Variants in GPR107 observed in about 807,000 individuals in gnomAD.
GPR107 encodes G protein-coupled receptor 107.
Under a neutral mutation model 75.5 loss-of-function variants are expected in GPR107, and 31 were observed. That is an observed-to-expected ratio of 0.41 (90% CI 0.31 to 0.55). The LOEUF (loss-of-function observed/expected upper bound fraction) is 0.55, where lower values mean the gene tolerates loss of function less well. Among genes scored for constraint, GPR107 ranks in the 20% least tolerant of loss-of-function variants. The probability of loss-of-function intolerance (pLI) is 0.26; values close to 1 mark genes in which losing one functional copy is unlikely to be tolerated. For synonymous variants in GPR107, 267 were observed against 251.3 expected, an observed-to-expected ratio of 1.06 and a Z score of -0.59; for missense variants, 572 against 665.7, an observed-to-expected ratio of 0.86 and a Z score of 1.55.
chr9:130,090,709 A>G (rs866913743), intron 7 of GPR107, among the ~76,000 whole-genome samples, 167 bp from the exon 8 acceptor site: 2 of 152,248 alleles, frequency 1.3e-5, no homozygotes, highest in South Asian at 2.1e-4. Flanking sequence ...GTCTGTCTTT[A>G]TTTCCTTCAA....
chr9:130,059,638 T>G (rs567696824), intron 1 of GPR107, among the ~76,000 whole-genome samples: 1 of 152,200 alleles, frequency 6.6e-6, no homozygotes, highest in Non-Finnish European at 1.5e-5. Context: ...ATATGTCAGA[T>G]CAGATTCAAA....
intron 17 of GPR107, among the ~76,000 whole-genome samples, chr9:130,132,829 T>TTATATA (rs35291670): frequency 0.051 from 7,504 of 147,658 alleles, 576 homozygotes; most frequent in African/African-American, 0.17. Flanking sequence ...TTTTATATAT[T>TTATATA]TATATATATA....
intron 1 of GPR107, among the ~76,000 whole-genome samples, chr9:130,063,437 G>A (rs1314703267): frequency 1.3e-5 from 2 of 152,168 alleles, no homozygotes; most frequent in African/African-American, 2.4e-5. Flanking sequence ...TGATCTGCCC[G>A]CCTTGGCCTC....
chr9:130,114,499 T>C, intron 14 of GPR107: 1 of 360,878 alleles, frequency 2.8e-6, no homozygotes, highest in South Asian at 2.1e-5. Context: ...CGTCTCATCT[T>C]AGTCTCCCAA....
chr9:130,057,474 T>A (rs1490321308), intron 1 of GPR107, among the ~76,000 whole-genome samples: 5 of 143,996 alleles, frequency 3.5e-5, no homozygotes, highest in Admixed American at 2.9e-4. Flanking sequence ...GGCTCCAGCC[T>A]GGGGGACAGA....
intron 9 of GPR107, among the ~76,000 whole-genome samples, chr9:130,098,892 C>A (rs1054826920): frequency 6.6e-6 from 1 of 152,028 alleles, no homozygotes; most frequent in Non-Finnish European, 1.5e-5. Flanking sequence ...CCTGTAATCC[C>A]GGCTACTCAG....
At chr9:130,108,811 A>G (rs1208246496) in intron 14 of GPR107, 6 of 450,736 alleles carry the variant, frequency 1.3e-5, no homozygotes, top group Non-Finnish European at 2.2e-5. Context: ...TCCTCTTGTG[A>G]TAGGTTCTTT....
intron 5 of GPR107, among the ~76,000 whole-genome samples, chr9:130,079,984 A>C (rs535472695): frequency 1.3e-5 from 2 of 152,354 alleles, no homozygotes; most frequent in East Asian, 3.9e-4. Flanking sequence ...CAGTGTTAGA[A>C]TTTTAGTAAT....
At chr9:130,134,955 C>T (rs994056994) in intron 17 of GPR107, 70 bp from the exon 18 acceptor site, 1 of 844,498 alleles carries the variant, frequency 1.2e-6, no homozygotes, top group East Asian at 2.6e-5. Context: ...AATCACCGTG[C>T]TGTGGCAGAG....
chr9:130,089,026 G>A (rs1380120040), intron 7 of GPR107, among the ~76,000 whole-genome samples: 1 of 151,890 alleles, frequency 6.6e-6, no homozygotes, highest in Non-Finnish European at 1.5e-5. Context: ...AATTAGCTGG[G>A]TGTGGTGGTG....
At chr9:130,109,800 A>T (rs1589519468) in intron 14 of GPR107, among the ~76,000 whole-genome samples, 1 of 149,772 alleles carries the variant, frequency 6.7e-6, no homozygotes, top group Admixed American at 6.7e-5. Flanking sequence ...CAAACTCCTG[A>T]CCTCGCGATC....
chr9:130,098,145 A>ATTG (rs1389032856), intron 9 of GPR107, among the ~76,000 whole-genome samples: 1 of 152,140 alleles, frequency 6.6e-6, no homozygotes, highest in Non-Finnish European at 1.5e-5. Flanking sequence ...AGCCTCCCTA[A>ATTG]GTGTGGGATT....
At chr9:130,064,528 A>G (rs1343348076) in intron 1 of GPR107, among the ~76,000 whole-genome samples, 1 of 152,058 alleles carries the variant, frequency 6.6e-6, no homozygotes, top group Non-Finnish European at 1.5e-5. Flanking sequence ...CCCTTTCTAC[A>G]TCTGTTTAGT....
At chr9:130,083,218 G>C (rs1830535158) in intron 5 of GPR107, 1 of 157,562 alleles carries the variant, frequency 6.3e-6, no homozygotes, top group South Asian at 2.0e-4. Context: ...ACCGCACCTG[G>C]CCTTCTTCTT....
At chr9:130,064,724 T>C (rs1830028479) in intron 1 of GPR107, among the ~76,000 whole-genome samples, 1 of 152,142 alleles carries the variant, frequency 6.6e-6, no homozygotes, top group Non-Finnish European at 1.5e-5. Context: ...TCATATGCGG[T>C]TAGGGTGGGC....
intron 9 of GPR107, among the ~76,000 whole-genome samples, chr9:130,098,928 A>G (rs1830946098): frequency 1.3e-5 from 2 of 152,046 alleles, no homozygotes; most frequent in South Asian, 4.1e-4. Flanking sequence ...GGGGGGCATC[A>G]CTTGATCCCG....
At chr9:130,119,051 C>T (rs903459475) in intron 14 of GPR107, among the ~76,000 whole-genome samples, 1 of 152,242 alleles carries the variant, frequency 6.6e-6, no homozygotes, top group African/African-American at 2.4e-5. Flanking sequence ...AGCCCAACAC[C>T]CAGCCCGCCA....
At chr9:130,074,439 A>G (rs939959241) in intron 1 of GPR107, among the ~76,000 whole-genome samples, 1 of 152,138 alleles carries the variant, frequency 6.6e-6, no homozygotes, top group African/African-American at 2.4e-5. Flanking sequence ...ATTTAGCCAA[A>G]TCTCAATATA....
intron 17 of GPR107, among the ~76,000 whole-genome samples, chr9:130,132,490 A>G (rs1391604334): frequency 6.6e-6 from 1 of 152,164 alleles, no homozygotes; most frequent in Admixed American, 6.6e-5. Context: ...GATGTATTAA[A>G]ATATATTTGC....
Sources: gnomAD v4.1 joint callset for allele counts (sites outside exome capture counted in the v4.1 genomes callset) on GRCh38, gnomAD v4.1.1 for gene constraint, MANE v1.5 for transcripts, NCBI Gene and HGNC (gene_info 2026-07-23, HGNC 2026-07-21) for gene names.